EXOC4: variants seen among roughly 807,000 people sequenced by gnomAD.
EXOC4 encodes the protein exocyst complex component 4.
Under a neutral mutation model 107.2 loss-of-function variants are expected in EXOC4, and 71 were observed. The observed-to-expected ratio is 0.66, with a 90% CI of 0.55 to 0.81. The LOEUF is 0.81. Among genes scored for constraint, EXOC4 ranks in the 30% least tolerant of loss-of-function variants. The probability of loss-of-function intolerance (pLI) is 0.00; values close to 1 mark genes in which losing one functional copy is unlikely to be tolerated. For missense variants in EXOC4, 1,108 were observed against 1,189.6 expected (o/e 0.93, Z 1.01); for synonymous variants, 456 against 441.2 (o/e 1.03, Z -0.42).
intron 14 of EXOC4, among the ~76,000 whole-genome samples, chr7:133,976,887 A>G (rs1793848046): frequency 6.6e-6 from 1 of 152,254 alleles, no homozygotes; most frequent in Admixed American, 6.5e-5. Flanking sequence ...GCAAGGGAAC[A>G]TGCAAAACTT....
chr7:133,722,915 G>A (rs904542081), intron 10 of EXOC4, among the ~76,000 whole-genome samples: 1 of 152,142 alleles, frequency 6.6e-6, no homozygotes, highest in Non-Finnish European at 1.5e-5. Flanking sequence ...TTCTACTTGT[G>A]CATTTATTAA....
chr7:133,663,107 A>G (rs1793734659), intron 10 of EXOC4, among the ~76,000 whole-genome samples: 1 of 152,162 alleles, frequency 6.6e-6, no homozygotes, highest in Non-Finnish European at 1.5e-5. Context: ...TGTCACCACC[A>G]TTGTGACCAG....
chr7:133,569,599 TGAG>T (rs2150957882), intron 9 of EXOC4, among the ~76,000 whole-genome samples: 1 of 152,258 alleles, frequency 6.6e-6, no homozygotes, highest in African/African-American at 2.4e-5. Context: ...AAGATAATAT[TGAG>T]GAAAGATGTG....
Position 134,065,142 on chromosome 7 carries a change from C to T in EXOC4, c.*614C>T, listed in dbSNP as rs1443181178. The T allele has an allele frequency of 2.0e-5, 3 of 152,680 alleles. No individual in the cohort carries two copies. The East Asian group carries it at 5.8e-4, about 29-fold the overall frequency. The allele number at this position is 152,680 out of a possible 1,614,324, so 9.5% of individuals were successfully genotyped here. A position where few individuals can be genotyped will look rare whatever the true frequency, so the allele number is the denominator to read the frequency against. On this transcript the variant is annotated 3_prime_UTR_variant, in exon 18 of 18. Transcript: ENST00000253861. The stretch of plus-strand genomic sequence containing the variant: ...AGTCTTTTGATCCCAGTCCCTGGGA[C>T]AGTTTTGTATGCTGTATCTTGTACA...
chr7:133,678,800 T>G (rs935443654), intron 10 of EXOC4, among the ~76,000 whole-genome samples: 1 of 151,786 alleles, frequency 6.6e-6, no homozygotes, highest in Non-Finnish European at 1.5e-5. Flanking sequence ...TGTTTCTTTT[T>G]GTAGAGCTGG....
chr7:133,590,233 A>G (rs1252943221), intron 9 of EXOC4, among the ~76,000 whole-genome samples: 1 of 151,990 alleles, frequency 6.6e-6, no homozygotes, highest in African/African-American at 2.4e-5. Context: ...TGTGTCTATC[A>G]ATTTCACCAC....
At chr7:133,805,132 GA>G (rs931543197) in intron 10 of EXOC4, among the ~76,000 whole-genome samples, 26 of 152,192 alleles carry the variant, frequency 1.7e-4, no homozygotes, top group African/African-American at 5.8e-4. Context: ...AAAACAGGTA[GA>G]AAAAAAGACT....
intron 10 of EXOC4, among the ~76,000 whole-genome samples, chr7:133,796,841 T>G (rs773573303): frequency 2.0e-5 from 3 of 152,212 alleles, no homozygotes; most frequent in Admixed American, 6.5e-5. Flanking sequence ...CCTTCCCCAG[T>G]TACGTGCCTG....
At chr7:133,652,430 A>T (rs1803182149) in intron 10 of EXOC4, among the ~76,000 whole-genome samples, 1 of 142,758 alleles carries the variant, frequency 7.0e-6, no homozygotes, top group Non-Finnish European at 1.5e-5. Context: ...TTTACTAAAC[A>T]CAGCAATATT....
chr7:133,988,836 T>C (rs1314431649), intron 14 of EXOC4, among the ~76,000 whole-genome samples: 1 of 151,968 alleles, frequency 6.6e-6, no homozygotes, highest in Non-Finnish European at 1.5e-5. Context: ...ATGGAGAAAA[T>C]CTGGAGGGTT....
chr7:133,840,659 T>G (rs1798007466), intron 11 of EXOC4, among the ~76,000 whole-genome samples: 1 of 152,014 alleles, frequency 6.6e-6, no homozygotes, highest in Non-Finnish European at 1.5e-5. Flanking sequence ...TTTTTTGTAT[T>G]TTTAGTAGAG....
At chr7:133,497,154 A>G (rs1042933003) in intron 9 of EXOC4, among the ~76,000 whole-genome samples, 2 of 152,168 alleles carry the variant, frequency 1.3e-5, no homozygotes, top group African/African-American at 2.4e-5. Flanking sequence ...TATGCCTTAG[A>G]TAAGATTGTG....
rs200637186 is a variant in EXOC4 at position 133,843,655 on chromosome 7, CT to C, written c.1734+26120del. On this transcript the variant is annotated intron_variant, in intron 11 of 17. Transcript: ENST00000253861. ...CTCTCTTCCTATTTGGATGCCTTTT[CT>C]TTTTTTTTGTCTGATTGCTGTGTCC... Among the ~76,000 whole-genome samples the C allele has an allele frequency of 2.5e-3, 385 of 151,208 alleles. 5 individuals are homozygous for C. The highest frequency in any genetic ancestry group is 8.7e-3 in the African/African-American group (360 of 41,276).
intron 14 of EXOC4, among the ~76,000 whole-genome samples, chr7:133,982,207 C>T (rs1794001387): frequency 1.3e-5 from 2 of 152,122 alleles, no homozygotes; most frequent in East Asian, 3.9e-4. Flanking sequence ...GCAAATTTAC[C>T]TATATAACAA....
intron 5 of EXOC4, among the ~76,000 whole-genome samples, chr7:133,321,885 G>A (rs1266963948): frequency 6.6e-6 from 1 of 152,150 alleles, no homozygotes; most frequent in African/African-American, 2.4e-5. Flanking sequence ...TCCAGCATCT[G>A]TCGTTTCCTG....
At chr7:134,009,036 A>G (rs968209668) in intron 17 of EXOC4, among the ~76,000 whole-genome samples, 2 of 152,212 alleles carry the variant, frequency 1.3e-5, no homozygotes, top group Admixed American at 6.6e-5. Context: ...CTTAATTAGA[A>G]TATCAAACCT....
At chr7:133,806,598 G>T (rs1797083373) in intron 10 of EXOC4, among the ~76,000 whole-genome samples, 1 of 152,152 alleles carries the variant, frequency 6.6e-6, no homozygotes, top group Non-Finnish European at 1.5e-5. Context: ...TTTCAGCATG[G>T]ACTTAAGTCT....
chr7:134,001,775 G>A (rs760059896), intron 15 of EXOC4, among the ~76,000 whole-genome samples: 1 of 152,166 alleles, frequency 6.6e-6, no homozygotes, highest in Non-Finnish European at 1.5e-5. Context: ...CAGAGCCTGT[G>A]CTGACCTGGC....
intron 7 of EXOC4, among the ~76,000 whole-genome samples, chr7:133,444,227 G>A (rs768574419): frequency 2.0e-5 from 3 of 152,200 alleles, no homozygotes; most frequent in Admixed American, 6.5e-5. Flanking sequence ...ATGAGAGCCA[G>A]CAGAATGGAC....
Sources: gnomAD v4.1 joint callset for allele counts (sites outside exome capture counted in the v4.1 genomes callset) on GRCh38, gnomAD v4.1.1 for gene constraint, MANE v1.5 for transcripts, NCBI Gene and HGNC (gene_info 2026-07-23, HGNC 2026-07-21) for gene names.